LRRC37A: variants seen among roughly 807,000 people sequenced by gnomAD.
The protein encoded by LRRC37A is leucine-rich repeat-containing protein 37A.
Under a neutral mutation model 35.4 loss-of-function variants are expected in LRRC37A, and 3 were observed. The ratio of observed to expected loss-of-function variants is 0.08; its 90% confidence interval spans 0.04 to 0.22. The LOEUF is 0.22. Among genes scored for constraint, LRRC37A ranks in the 10% least tolerant of loss-of-function variants. The probability of loss-of-function intolerance (pLI) is 1.00; values close to 1 mark genes in which losing one functional copy is unlikely to be tolerated. For synonymous variants in LRRC37A, 23 were observed against 215.0 expected, an observed-to-expected ratio of 0.11 and a Z score of 7.81; for missense variants, 67 against 565.3, an observed-to-expected ratio of 0.12 and a Z score of 8.94.
the LRRC37A span, among the ~76,000 whole-genome samples, chr17:46,267,976 C>A: frequency 6.9e-6 from 1 of 145,638 alleles, no homozygotes; most frequent in Non-Finnish European, 1.5e-5. Flanking sequence ...TCTCAGCTCA[C>A]TGCAACCTCC....
chr17:46,334,894 C>T (rs1481310467), intron 10 of LRRC37A: 1 of 130,378 alleles, frequency 7.7e-6, no homozygotes, highest in Non-Finnish European at 1.7e-5. Flanking sequence ...TACAATATAA[C>T]AACTGTCAAC....
At chr17:46,284,839 A>G in the LRRC37A span, among the ~76,000 whole-genome samples, 1 of 152,226 alleles carries the variant, frequency 6.6e-6, no homozygotes, top group African/African-American at 2.4e-5. Flanking sequence ...AAAATAGAAG[A>G]AAGTTTCAAT....
At chr17:46,261,638 C>T in the LRRC37A span, among the ~76,000 whole-genome samples, 1 of 151,944 alleles carries the variant, frequency 6.6e-6, no homozygotes, top group Non-Finnish European at 1.5e-5. Flanking sequence ...GTCTCAAACG[C>T]CTGACCTCAG....
chr17:46,288,854 C>A (rs1226173952), upstream of LRRC37A, among the ~76,000 whole-genome samples: 2 of 151,944 alleles, frequency 1.3e-5, no homozygotes. Flanking sequence ...CAGGCACGTG[C>A]CACCAAGCTC....
chr17:46,252,546 G>T, the LRRC37A span, among the ~76,000 whole-genome samples: 1 of 148,932 alleles, frequency 6.7e-6, no homozygotes, highest in African/African-American at 2.4e-5. Context: ...GTGTCCCTGG[G>T]TACTTGAGAT....
chr17:46,256,030 G>T, the LRRC37A span, among the ~76,000 whole-genome samples: 70 of 152,262 alleles, frequency 4.6e-4, no homozygotes, highest in African/African-American at 1.6e-3. Context: ...GTATTAGAAG[G>T]TGGGGCCTTT....
At chr17:46,278,626 A>C in the LRRC37A span, among the ~76,000 whole-genome samples, 2 of 150,292 alleles carry the variant, frequency 1.3e-5, no homozygotes, top group Non-Finnish European at 3.0e-5. Flanking sequence ...CTGGTCTCAA[A>C]CTCCTGACCT....
chr17:46,253,941 C>T, the LRRC37A span, among the ~76,000 whole-genome samples: 2 of 152,164 alleles, frequency 1.3e-5, no homozygotes, highest in African/African-American at 2.4e-5. Flanking sequence ...GGATTTGAAC[C>T]AACAGAGGTA....
chr17:46,335,527 C>T lies in LRRC37A; in HGVS notation c.4810-18C>T, dbSNP rs547817024. 4.5e-5 allele frequency: 8 copies of T among 179,204 alleles called. No individual in the cohort carries two copies. Among genetic ancestry groups the T allele is most frequent in the African/African-American group, 8.9e-5 (5 of 55,872 alleles). The allele number at this position is 179,204 out of a possible 1,614,324, so 11.1% of individuals were successfully genotyped here. A position where few individuals can be genotyped will look rare whatever the true frequency, so the allele number is the denominator to read the frequency against. On this transcript the variant is annotated intron_variant, in intron 10 of 13. Coordinates refer to ENST00000320254, the Ensembl canonical transcript of LRRC37A. ...TTGTTGTCATAGATAATCTTAATTG[C>T]GTTTTCTTCTAAAACAGATATGTTG...
rs2050626140 is a variant in LRRC37A at position 46,307,961 on chromosome 17, G to A, written c.2906+1652G>A. Reference sequence around the variant, plus strand: ...CAGGAGGCGGAGGTTGCAGTGAGCCGAGATGGCACCATTGCACTCCAGCCT... The same window carrying A: ...CAGGAGGCGGAGGTTGCAGTGAGCCAAGATGGCACCATTGCACTCCAGCCT... On this transcript the variant is annotated intron_variant, in intron 5 of 13. Coordinates refer to ENST00000320254, the Ensembl canonical transcript of LRRC37A. Among the ~76,000 whole-genome samples, 2 of 74,670 alleles carry A rather than the reference G, an allele frequency of 2.7e-5. 1 individual carries two copies. The highest frequency in any genetic ancestry group is 8.0e-5 in the Non-Finnish European group (2 of 25,046). The allele number at this position is 74,670 out of a possible 152,430, so 49.0% of individuals were successfully genotyped here. A position where few individuals can be genotyped will look rare whatever the true frequency, so the allele number is the denominator to read the frequency against.
At chr17:46,258,796 G>A in the LRRC37A span, among the ~76,000 whole-genome samples, 1 of 140,330 alleles carries the variant, frequency 7.1e-6, no homozygotes, top group Admixed American at 7.5e-5. Context: ...CTCACTGCAA[G>A]CTCTGCCTCC....
At chr17:46,265,355 C>T in the LRRC37A span, among the ~76,000 whole-genome samples, 13 of 140,194 alleles carry the variant, frequency 9.3e-5, no homozygotes, top group Non-Finnish European at 1.6e-4. Context: ...TCTTCTTCTC[C>T]TCCTTCTCCT....
At chr17:46,271,252 C>T in the LRRC37A span, among the ~76,000 whole-genome samples, 1 of 150,650 alleles carries the variant, frequency 6.6e-6, no homozygotes, top group African/African-American at 2.4e-5. Flanking sequence ...CGCAACCTCT[C>T]CCTCCTGGGT....
In LRRC37A at chr17:46,324,854, T is replaced by TTA. The variant is rs1387781322; in HGVS notation, c.3053+1835_3053+1836dup. Among the ~76,000 whole-genome samples, 350 of 74,648 alleles carry TTA rather than the reference T, an allele frequency of 4.7e-3. 75 individuals carry two copies. Among genetic ancestry groups the TTA allele is most frequent in the African/African-American group, 0.011 (336 of 29,302 alleles). The allele number at this position is 74,648 out of a possible 152,430, so 49.0% of individuals were successfully genotyped here. ...GACCCTGTCTAAAATATATATATAT[T>TTA]TATATATATGTACGTGTATATATGT... On this transcript the variant is annotated intron_variant, in intron 7 of 13. Coordinates refer to ENST00000320254, the Ensembl canonical transcript of LRRC37A.
chr17:46,254,938 C>T, the LRRC37A span, among the ~76,000 whole-genome samples: 1 of 151,690 alleles, frequency 6.6e-6, no homozygotes, highest in Non-Finnish European at 1.5e-5. Flanking sequence ...TGGGTTCAAG[C>T]GATTCTCCTG....
the LRRC37A span, among the ~76,000 whole-genome samples, chr17:46,284,570 C>T: frequency 6.6e-6 from 1 of 152,236 alleles, no homozygotes; most frequent in East Asian, 1.9e-4. Flanking sequence ...ATCTCTCTTT[C>T]TTTTCCCCAC....
the LRRC37A span, among the ~76,000 whole-genome samples, chr17:46,284,094 T>C: frequency 6.6e-6 from 1 of 152,242 alleles, no homozygotes; most frequent in Non-Finnish European, 1.5e-5. Flanking sequence ...GACAGATGCC[T>C]TCCTCTTGTC....
At chr17:46,288,706 C>CT (rs199591277), upstream of LRRC37A, among the ~76,000 whole-genome samples, 504 of 139,030 alleles carry the variant, frequency 3.6e-3, 3 homozygotes, top group African/African-American at 8.9e-3. Context: ...CTTGTTTTTT[C>CT]TTTTTTTTTT....
At chr17:46,281,959 T>C in the LRRC37A span, among the ~76,000 whole-genome samples, 1 of 152,106 alleles carries the variant, frequency 6.6e-6, no homozygotes, top group South Asian at 2.1e-4. Context: ...TTACAGATTT[T>C]GTAGTTTCTT....
Sources: allele counts gnomAD v4.1 joint callset (sites outside exome capture counted in the v4.1 genomes callset), GRCh38; gene constraint gnomAD v4.1.1; transcripts MANE v1.5; gene names NCBI Gene and HGNC (gene_info 2026-07-23, HGNC 2026-07-21).